Variants in CFAP20DC observed in about 807,000 individuals in gnomAD.
CFAP20DC encodes the protein protein CFAP20DC.
CFAP20DC carries 84 observed loss-of-function variants against 101.7 expected under a neutral mutation model. That is an observed-to-expected ratio of 0.83 (90% CI 0.69 to 0.99). The LOEUF is 0.99. CFAP20DC is among the 50% of genes least tolerant of loss of function. The pLI is 0.00. For missense variants in CFAP20DC, 1,007 were observed against 970.3 expected, an observed-to-expected ratio of 1.04 and a Z score of -0.50; for synonymous variants, 359 against 351.2, an observed-to-expected ratio of 1.02 and a Z score of -0.25.
Position 58,882,837 on chromosome 3 carries a change from A to G in CFAP20DC, c.715+1708T>C, listed in dbSNP as rs1295958018. Among the ~76,000 whole-genome samples, 1 of 152,200 alleles carries G rather than the reference A, an allele frequency of 6.6e-6. No individual in the cohort carries two copies. Among genetic ancestry groups the G allele is most frequent in the African/African-American group, 2.4e-5 (1 of 41,448 alleles). Reference sequence around the variant, plus strand: ...ACTGTGGAAGCAGGTGATTGGGTACACAGGGGTTGTTCATCATACATTCTC... The same window carrying G: ...ACTGTGGAAGCAGGTGATTGGGTACGCAGGGGTTGTTCATCATACATTCTC... On this transcript the variant is annotated intron_variant, in intron 7 of 16. Coordinates refer to ENST00000482387, the MANE Select transcript of CFAP20DC (RefSeq NM_001394063.1). This position sits in a 1 kb window ranked among gnomAD's most constrained non-coding sequence, Gnocchi z 4.2.
chr3:59,000,838 C>A (rs906559247), intron 4 of CFAP20DC, among the ~76,000 whole-genome samples: 7 of 152,080 alleles, frequency 4.6e-5, no homozygotes, highest in African/African-American at 1.7e-4. Context: ...GAGATACCAA[C>A]TGAGTTGATA....
rs2082303483 is a variant in CFAP20DC, at chr3:58,892,085, A to G, written c.551-7376T>C. Among the ~76,000 whole-genome samples, 1 of 152,234 alleles carries G rather than the reference A, an allele frequency of 6.6e-6. No homozygotes were observed. The highest frequency in any genetic ancestry group is 6.5e-5 in the Admixed American group (1 of 15,290). On this transcript the variant is annotated intron_variant, in intron 6 of 16. Transcript: ENST00000482387. The surrounding 1 kb of genome is among the most constrained non-coding windows in gnomAD (Gnocchi z 4.0). ...GTTATCCCAGCATCATTTATTGAAC[A>G]GGGAGTATTTTCCCCATTCATTGAT...
intron 15 of CFAP20DC, among the ~76,000 whole-genome samples, chr3:58,782,570 C>G (rs972471621): frequency 1.3e-5 from 2 of 151,970 alleles, no homozygotes; most frequent in Non-Finnish European, 2.9e-5. Context: ...TTGATAAATT[C>G]AGTAAAGTTG....
intron 4 of CFAP20DC, among the ~76,000 whole-genome samples, chr3:58,990,251 C>G (rs2092895771): frequency 6.6e-6 from 1 of 152,188 alleles, no homozygotes; most frequent in South Asian, 2.1e-4. Context: ...TGTCTAGCCT[C>G]TGCTACTAAG....
chr3:58,796,693 G>A (rs184482455), intron 15 of CFAP20DC, among the ~76,000 whole-genome samples: 151 of 152,214 alleles, frequency 9.9e-4, no homozygotes, highest in African/African-American at 3.4e-3. Context: ...TTGTTTTATT[G>A]TGTTTTGCTA....
intron 3 of CFAP20DC, 96 bp from the exon 4 acceptor site, chr3:59,039,725 T>G: frequency 1.3e-6 from 1 of 740,738 alleles, no homozygotes; most frequent in Non-Finnish European, 2.1e-6. Flanking sequence ...CTGAAGATTT[T>G]AGCATTTCAG....
intron 4 of CFAP20DC, among the ~76,000 whole-genome samples, chr3:58,975,529 T>C (rs112816856): frequency 1.3e-5 from 2 of 152,228 alleles, no homozygotes; most frequent in African/African-American, 2.4e-5. Context: ...TTACTCTTTA[T>C]TTTTCTATAC....
At chr3:58,928,712 C>A (rs1232292200) in intron 5 of CFAP20DC, among the ~76,000 whole-genome samples, 1 of 152,078 alleles carries the variant, frequency 6.6e-6, no homozygotes, top group African/African-American at 2.4e-5. Flanking sequence ...GAAACAAATG[C>A]CCTATCTGTT....
At chr3:58,898,660 A>G (rs1372591340) in intron 6 of CFAP20DC, among the ~76,000 whole-genome samples, 3 of 152,044 alleles carry the variant, frequency 2.0e-5, no homozygotes, top group Non-Finnish European at 4.4e-5. Flanking sequence ...GTTCGTTATT[A>G]CCCACCTTCT....
intron 15 of CFAP20DC, among the ~76,000 whole-genome samples, chr3:58,760,612 C>T (rs1325258358): frequency 6.6e-6 from 1 of 152,102 alleles, no homozygotes; most frequent in Non-Finnish European, 1.5e-5. Context: ...TGTCTTGGGC[C>T]AGTTTTCAAA....
At chr3:58,766,540 T>C (rs769288075) in intron 15 of CFAP20DC, among the ~76,000 whole-genome samples, 37 of 152,238 alleles carry the variant, frequency 2.4e-4, no homozygotes, top group Admixed American at 1.2e-3. Context: ...CTCCACACTA[T>C]AGCCAAAATT....
At chr3:58,745,653 G>A (rs1490979465) in intron 16 of CFAP20DC, among the ~76,000 whole-genome samples, 1 of 152,136 alleles carries the variant, frequency 6.6e-6, no homozygotes, top group Non-Finnish European at 1.5e-5. Context: ...TTTAATAAAT[G>A]ATAGTTACTA....
intron 5 of CFAP20DC, among the ~76,000 whole-genome samples, chr3:58,919,501 T>C (rs1244361882): frequency 1.3e-5 from 2 of 152,218 alleles, no homozygotes; most frequent in Non-Finnish European, 1.5e-5. Context: ...TGACTTTCCA[T>C]ATAAATTTTA....
intron 12 of CFAP20DC, chr3:58,862,528 C>A (rs116610325): frequency 2.0e-6 from 2 of 985,354 alleles, no homozygotes; most frequent in Non-Finnish European, 2.4e-6. Flanking sequence ...ATCCTCTACG[C>A]GCTTTGCTGA....
intron 4 of CFAP20DC, among the ~76,000 whole-genome samples, chr3:58,949,688 G>A (rs982282407): frequency 2.6e-5 from 4 of 152,072 alleles, no homozygotes; most frequent in African/African-American, 9.7e-5. Flanking sequence ...CTCAATAGAT[G>A]CAGAAAAGGC....
chr3:59,008,859 A>G (rs1033459634), intron 4 of CFAP20DC, among the ~76,000 whole-genome samples: 10 of 152,126 alleles, frequency 6.6e-5, no homozygotes, highest in African/African-American at 1.9e-4. Flanking sequence ...TTAAAGTATA[A>G]TAATAATAAA....
At position 59,047,367 on chromosome 3, in the gene CFAP20DC, A is replaced by C. The variant is rs1699946021; in HGVS notation, c.22-113T>G. Reference sequence around the variant, plus strand: ...TGTCAGTTAAGCTGATCTGGGATGAAACATTCTCCCTGTTATTACTCCTAC... The same window carrying C: ...TGTCAGTTAAGCTGATCTGGGATGACACATTCTCCCTGTTATTACTCCTAC... On this transcript the variant is annotated intron_variant, in intron 1 of 16. Transcript: ENST00000482387. The C allele has an allele frequency of 4.5e-6, 3 of 668,356 alleles. No individual in the cohort carries two copies. The South Asian group carries it at 6.2e-5, about 14-fold the overall frequency. The allele number at this position is 668,356 out of a possible 1,614,324, so 41.4% of individuals were successfully genotyped here. A position where few individuals can be genotyped will look rare whatever the true frequency, so the allele number is the denominator to read the frequency against.
chr3:58,951,102 G>T (rs1474690099), intron 4 of CFAP20DC, among the ~76,000 whole-genome samples: 1 of 152,152 alleles, frequency 6.6e-6, no homozygotes, highest in African/African-American at 2.4e-5. Flanking sequence ...TGAAGGATAT[G>T]AACAGACACT....
At chr3:58,750,964 C>T (rs1402986126) in intron 16 of CFAP20DC, among the ~76,000 whole-genome samples, 1 of 151,874 alleles carries the variant, frequency 6.6e-6, no homozygotes, top group African/African-American at 2.4e-5. Flanking sequence ...ACCAAATATA[C>T]CAAAAAAATT....
Sources: allele counts gnomAD v4.1 joint callset (sites outside exome capture counted in the v4.1 genomes callset), GRCh38; gene constraint gnomAD v4.1.1; non-coding constraint Gnocchi (gnomAD v3.1); transcripts MANE v1.5; gene names NCBI Gene and HGNC (gene_info 2026-07-23, HGNC 2026-07-21).